The following WDHD1 variants were observed in gnomAD, a reference collection of about 807,000 sequenced individuals.
The protein encoded by WDHD1 is WD repeat and HMG-box DNA binding protein 1, also known as WD repeat and HMG-box DNA-binding protein 1.
In WDHD1, 111 loss-of-function variants were observed where a neutral mutation model predicts 135.4. The observed-to-expected ratio is 0.82, with a 90% CI of 0.70 to 0.96. The LOEUF is 0.96. Ranked by LOEUF, WDHD1 falls within the 40% of genes least tolerant of loss-of-function variation. WDHD1 has a pLI of 0.00. For synonymous variants in WDHD1, 434 were observed against 439.0 expected (o/e 0.99, Z 0.14); for missense variants, 1,351 against 1,336.3 (o/e 1.01, Z -0.17).
Position 54,987,282 on chromosome 14 carries a change from C to T in WDHD1, c.1632G>A (p.Trp544Ter). Reference sequence around the variant, plus strand: ...GCAGGGCACTAGTAGCGGCAGCAGCCCATCCTTGACCGAGACATATGGCTT... The same window carrying T: ...GCAGGGCACTAGTAGCGGCAGCAGCTCATCCTTGACCGAGACATATGGCTT... ...DIEAICLGQG[W>*]AAAATSALLL... Residue 544 changes from tryptophan (W) to a stop codon, truncating the protein, a stop_gained, in exon 14 of 26, where the codon TGG becomes TGA. Coordinates refer to ENST00000360586, the MANE Select transcript of WDHD1 (RefSeq NM_007086.4). LOFTEE classifies it high-confidence loss of function. 6.2e-7 allele frequency: 1 copy of T among 1,614,046 alleles called. No homozygotes were observed. Among genetic ancestry groups the T allele is most frequent in the South Asian group, 1.1e-5 (1 of 91,070 alleles).
rs1270739260 is a variant in WDHD1, at chr14:54,939,794, A to G, written c.*1696T>C. 6 of 152,338 alleles carry G rather than the reference A, an allele frequency of 3.9e-5. No individual in the cohort carries two copies. The East Asian group carries it at 9.7e-4, about 25-fold the overall frequency. 9.4% of individuals were successfully genotyped at this position (152,338 alleles called of 1,614,324 possible). A position where few individuals can be genotyped will look rare whatever the true frequency, so the allele number is the denominator to read the frequency against. ...GCTATGAATCTGAAATACAATATAC[A>G]CAGATTATATCCTTAAGCATTAGGT... On this transcript the variant is annotated 3_prime_UTR_variant, in exon 26 of 26. Coordinates refer to ENST00000360586, the MANE Select transcript of WDHD1 (RefSeq NM_007086.4).
intron 5 of WDHD1, 97 bp downstream of exon 5, chr14:55,008,511 A>T: frequency 6.9e-7 from 1 of 1,445,750 alleles, no homozygotes; most frequent in South Asian, 1.3e-5. Flanking sequence ...AAAGGTTGAA[A>T]AGTTGAGTTA....
At chr14:54,983,071 C>T (rs1209571236) in intron 15 of WDHD1, among the ~76,000 whole-genome samples, 2 of 151,904 alleles carry the variant, frequency 1.3e-5, no homozygotes, top group African/African-American at 4.8e-5. Context: ...GGCTGAGGTA[C>T]GAGAATCACT....
intron 12 of WDHD1, 27 bp from the exon 13 acceptor site, chr14:54,989,239 G>C (rs1168775084): frequency 6.4e-7 from 1 of 1,566,878 alleles, no homozygotes; most frequent in African/African-American, 1.4e-5. Context: ...TTAAATATAA[G>C]TCTGAGAAAA....
chr14:55,019,856 T>A (rs2042317261), intron 2 of WDHD1, among the ~76,000 whole-genome samples: 1 of 152,098 alleles, frequency 6.6e-6, no homozygotes, highest in South Asian at 2.1e-4. Context: ...GCGACAGAGC[T>A]AGACTCCATC....
rs2041709585 is a variant in WDHD1 at position 54,987,325 on chromosome 14, G to C, written c.1589C>G (p.Pro530Arg). The stretch of plus-strand genomic sequence containing the variant: ...TATGGCTTCAATATCCTCATTCTGA[G>C]GCAAGTCTATTATCCACTCTTTGCT... ...DSSKEWIIDL[P>R]QNEDIEAICL... Residue 530 changes from proline to arginine, a missense_variant, in exon 14 of 26, where the codon CCT becomes CGT. Around this residue, in one of 2 missense-constraint regions of WDHD1, gnomAD observed 1,330 missense variants for 1,296.1 expected, o/e 1.03. Coordinates refer to ENST00000360586, the MANE Select transcript of WDHD1 (RefSeq NM_007086.4). The C allele has an allele frequency of 1.9e-6, 3 of 1,613,792 alleles. No individual in the cohort carries two copies. The highest frequency in any genetic ancestry group is 1.7e-6 in the Non-Finnish European group (2 of 1,180,000).
chr14:54,971,044 A>G (rs2041423225), intron 16 of WDHD1, among the ~76,000 whole-genome samples: 1 of 152,198 alleles, frequency 6.6e-6, no homozygotes, highest in Non-Finnish European at 1.5e-5. Context: ...CACATGCAGA[A>G]TGAAACTGGA....
intron 16 of WDHD1, among the ~76,000 whole-genome samples, chr14:54,969,289 G>C (rs1046264793): frequency 2.0e-5 from 3 of 150,214 alleles, no homozygotes; most frequent in Admixed American, 2.0e-4. Flanking sequence ...GCCTCCCAAA[G>C]TGCTGGGATT....
intron 21 of WDHD1, among the ~76,000 whole-genome samples, chr14:54,958,064 A>C (rs181250218): frequency 1.2e-4 from 18 of 152,110 alleles, no homozygotes; most frequent in Admixed American, 1.1e-3. Context: ...AGAAACAAAA[A>C]ACAAACCTTC....
intron 18 of WDHD1, among the ~76,000 whole-genome samples, chr14:54,965,718 G>A (rs1357852935): frequency 6.6e-6 from 1 of 152,116 alleles, no homozygotes; most frequent in African/African-American, 2.4e-5. Flanking sequence ...CACTTTCGGA[G>A]GCCGAGGCAG....
At chr14:54,972,920 G>A (rs556180096) in intron 16 of WDHD1, among the ~76,000 whole-genome samples, 4 of 152,270 alleles carry the variant, frequency 2.6e-5, no homozygotes, top group East Asian at 3.9e-4. Flanking sequence ...ACAGGTCAAC[G>A]GGGCAAAGAC....
At chr14:54,975,637 C>T (rs868076132) in intron 16 of WDHD1, among the ~76,000 whole-genome samples, 56 of 152,254 alleles carry the variant, frequency 3.7e-4, no homozygotes, top group Admixed American at 1.1e-3. Flanking sequence ...GCGTGAGCCA[C>T]TGCACCCAAC....
chr14:54,983,613 C>T (rs146300842), intron 15 of WDHD1, among the ~76,000 whole-genome samples: 62 of 151,854 alleles, frequency 4.1e-4, no homozygotes, highest in Non-Finnish European at 7.1e-4. Context: ...GCAGAGGTTG[C>T]AGTAAGCTGA....
Position 55,010,426 on chromosome 14 carries a change from G to C in WDHD1, c.224C>G (p.Thr75Ser). ...TTCAGGAAATGTGTGGACTTGAATA[G>C]TATTATTAGAAACTGCAGTGACCAG... is the stretch of plus-strand genomic sequence containing the variant. ...GKLVTAVSNN[T>S]IQVHTFPEGV... The change falls in exon 4 of 26, where the codon ACT becomes AGT. Residue 75 changes from threonine to serine, a missense_variant. By Grantham distance (58) the Thr-to-Ser change is moderately conservative (BLOSUM62 1). Coordinates refer to ENST00000360586, the MANE Select transcript of WDHD1 (RefSeq NM_007086.4). The C allele has an allele frequency of 6.2e-7, 1 of 1,607,504 alleles. No homozygotes were observed. Among genetic ancestry groups the C allele is most frequent in the South Asian group, 1.1e-5 (1 of 89,296 alleles).
At chr14:55,015,586 G>T (rs1352115644) in intron 2 of WDHD1, among the ~76,000 whole-genome samples, 2 of 152,060 alleles carry the variant, frequency 1.3e-5, no homozygotes, top group African/African-American at 4.8e-5. Flanking sequence ...GGGACAACAT[G>T]TGAGGCATTC....
chr14:54,945,821 G>A (rs966216644), intron 24 of WDHD1, among the ~76,000 whole-genome samples: 4 of 152,160 alleles, frequency 2.6e-5, no homozygotes, highest in African/African-American at 7.2e-5. Context: ...TTACAGGCGT[G>A]AGCCACTGTG....
intron 14 of WDHD1, 21 bp from the exon 15 acceptor site, chr14:54,984,881 T>C: frequency 1.2e-6 from 2 of 1,606,252 alleles, no homozygotes; most frequent in South Asian, 2.2e-5. Flanking sequence ...AATGTAAATA[T>C]AAATCAGGCA....
chr14:55,024,079 T>C (rs935581676), intron 2 of WDHD1, among the ~76,000 whole-genome samples: 1 of 152,234 alleles, frequency 6.6e-6, no homozygotes, highest in Non-Finnish European at 1.5e-5. Flanking sequence ...TTTTTCAAAT[T>C]GTTAGAAACT....
intron 24 of WDHD1, among the ~76,000 whole-genome samples, chr14:54,950,444 G>A (rs961540818): frequency 4.6e-5 from 7 of 152,136 alleles, no homozygotes; most frequent in African/African-American, 1.4e-4. Context: ...AACAAGAAGA[G>A]CTAACTATCC....
Sources: allele counts gnomAD v4.1 joint callset (sites outside exome capture counted in the v4.1 genomes callset), GRCh38; gene constraint gnomAD v4.1.1; regional missense constraint gnomAD v4.1.1; transcripts MANE v1.5; gene names NCBI Gene and HGNC (gene_info 2026-07-23, HGNC 2026-07-21).